Variants in GTF2A1L observed in about 807,000 individuals in gnomAD.
GTF2A1L encodes the protein TFIIA-alpha and beta-like factor.
A neutral mutation model predicts 49.7 loss-of-function variants in GTF2A1L; 48 were observed. That is an observed-to-expected ratio of 0.97 (90% CI 0.77 to 1.23). The LOEUF (loss-of-function observed/expected upper bound fraction) is 1.23, where lower values mean the gene tolerates loss of function less well. GTF2A1L is among the 50% of genes most tolerant of loss of function. GTF2A1L has a pLI of 0.00. For synonymous variants in GTF2A1L, 246 were observed against 193.5 expected (o/e 1.27, Z -2.25); for missense variants, 736 against 564.8 (o/e 1.30, Z -3.07).
At chr2:48,646,373 ATTTT>A (rs370649699) in intron 5 of GTF2A1L, 76 bp from the exon 6 acceptor site, 17 of 1,047,668 alleles carry the variant, frequency 1.6e-5, no homozygotes, top group South Asian at 5.3e-5. Context: ...TGTGGATGAG[ATTTT>A]TTTTTTTTTT....
chr2:48,662,309 A>T (rs1162107212), intron 6 of GTF2A1L, among the ~76,000 whole-genome samples: 1 of 152,204 alleles, frequency 6.6e-6, no homozygotes, highest in Non-Finnish European at 1.5e-5. Context: ...TTATGTTAAC[A>T]CTGATTTATG....
chr2:48,679,413 G>T lies in GTF2A1L; in HGVS notation c.1408G>T (p.Ala470Ser), dbSNP rs1241563053. The T allele has an allele frequency of 6.2e-7, 1 of 1,612,418 alleles. No homozygotes were observed. The highest frequency in any genetic ancestry group is 1.7e-5 in the Admixed American group (1 of 59,846). ...MCFGGRDYVF[A>S]KAIGDAEW ...TTTTGGAGGGAGAGACTATGTATTT[G>T]CAAAAGCCATTGGTGATGCAGAGTG... Residue 470 changes from alanine to serine, a missense_variant, in exon 9 of 9, where the codon GCA (alanine) becomes TCA (serine). Coordinates refer to ENST00000403751, the MANE Select transcript of GTF2A1L (RefSeq NM_006872.5).
At chr2:48,620,637 C>CA (rs1675932808) in intron 1 of GTF2A1L, among the ~76,000 whole-genome samples, 2 of 152,074 alleles carry the variant, frequency 1.3e-5, no homozygotes, top group African/African-American at 4.8e-5. Flanking sequence ...ATTAGCGGGG[C>CA]ATGGTGGCAT....
At chr2:48,637,266 G>A (rs537554021) in intron 3 of GTF2A1L, among the ~76,000 whole-genome samples, 13 of 152,024 alleles carry the variant, frequency 8.6e-5, no homozygotes, top group South Asian at 2.1e-4. Context: ...TATAACTGCC[G>A]CAATGTATCA....
chr2:48,621,482 C>A (rs1020236104), intron 3 of GTF2A1L, among the ~76,000 whole-genome samples, 192 bp downstream of exon 3: 2 of 152,112 alleles, frequency 1.3e-5, no homozygotes, highest in Non-Finnish European at 2.9e-5. Flanking sequence ...GTTATTCGAA[C>A]TAGTTTTTAT....
chr2:48,656,857 TG>T (rs1356101188), intron 6 of GTF2A1L, among the ~76,000 whole-genome samples: 5 of 152,210 alleles, frequency 3.3e-5, no homozygotes, highest in African/African-American at 1.2e-4. Flanking sequence ...TGATCCATTT[TG>T]AGTTAATTTT....
At chr2:48,662,861 C>T (rs1458089086) in intron 6 of GTF2A1L, among the ~76,000 whole-genome samples, 1 of 151,844 alleles carries the variant, frequency 6.6e-6, no homozygotes, top group African/African-American at 2.4e-5. Flanking sequence ...AGCTAAACAA[C>T]AAGAACACGT....
intron 3 of GTF2A1L, 138 bp downstream of exon 3, chr2:48,621,428 C>A: frequency 1.8e-6 from 2 of 1,140,722 alleles, no homozygotes; most frequent in Non-Finnish European, 2.4e-6. Flanking sequence ...TAAATGAACA[C>A]AGTATAAATC....
chr2:48,645,877 T>C (rs573737734), intron 5 of GTF2A1L, among the ~76,000 whole-genome samples: 1 of 151,936 alleles, frequency 6.6e-6, no homozygotes, highest in Non-Finnish European at 1.5e-5. Context: ...CTTGATCTCC[T>C]GACCTCGTGA....
chr2:48,642,646 G>A (rs1677263053), intron 4 of GTF2A1L, among the ~76,000 whole-genome samples, 189 bp downstream of exon 4: 1 of 152,166 alleles, frequency 6.6e-6, no homozygotes, highest in Non-Finnish European at 1.5e-5. Context: ...CCTGAGATCA[G>A]GAGTTTGAGA....
intron 6 of GTF2A1L, among the ~76,000 whole-genome samples, chr2:48,657,599 T>A (rs1678253947): frequency 6.6e-6 from 1 of 152,132 alleles, no homozygotes; most frequent in African/African-American, 2.4e-5. Context: ...AAATATTTCT[T>A]TTCCTTTGGG....
intron 5 of GTF2A1L, 69 bp downstream of exon 5, chr2:48,645,186 G>A: frequency 7.2e-7 from 1 of 1,388,462 alleles, no homozygotes; most frequent in South Asian, 1.3e-5. Context: ...TAAGCTTCAT[G>A]ATTTTTAAAT....
At position 48,679,600 on chromosome 2, in the gene GTF2A1L, A is replaced by G. The variant is rs1679660038; in HGVS notation, c.*158A>G. Reference sequence around the variant, plus strand: ...AAAATTATAATTCAGATGCAGATACAATTACACAATTTTATATGTATTTTG... The same window carrying G: ...AAAATTATAATTCAGATGCAGATACGATTACACAATTTTATATGTATTTTG... On this transcript the variant is annotated 3_prime_UTR_variant, in exon 9 of 9. Transcript: ENST00000403751. 3.6e-6 allele frequency: 5 copies of G among 1,385,502 alleles called. No individual in the cohort carries two copies. Among genetic ancestry groups the G allele is most frequent in the Non-Finnish European group, 4.7e-6 (5 of 1,072,578 alleles). 85.8% of individuals were successfully genotyped at this position (1,385,502 alleles called of 1,614,324 possible).
chr2:48,649,111 T>C (rs1409805421), intron 6 of GTF2A1L, among the ~76,000 whole-genome samples: 1 of 152,194 alleles, frequency 6.6e-6, no homozygotes. Flanking sequence ...ATTCTGCCCC[T>C]TGTAATTTCT....
intron 6 of GTF2A1L, among the ~76,000 whole-genome samples, chr2:48,651,199 G>C (rs924070653): frequency 6.6e-6 from 1 of 151,946 alleles, no homozygotes; most frequent in Non-Finnish European, 1.5e-5. Flanking sequence ...GAGCTGGTTT[G>C]TTTTAGTGCA....
rs745352636 is a variant in GTF2A1L, at chr2:48,646,701, G to C, written c.637G>C (p.Ala213Pro). ...GPVDRKHLEN[A>P]TSDILVSPGN... ...AGTAGATAGGAAACACTTAGAAAAT[G>C]CCACCAGTGATATACTTGTATCTCC... The change falls in exon 6 of 9, where the codon GCC becomes CCC. Residue 213 changes from alanine (A) to proline (P), a missense_variant. Ala to Pro is a conservative substitution (Grantham distance 27). Transcript: ENST00000403751. 5.6e-6 allele frequency: 9 copies of C among 1,614,154 alleles called. No homozygotes were observed. Among genetic ancestry groups the C allele is most frequent in the Non-Finnish European group, 5.9e-6 (7 of 1,180,022 alleles).
At chr2:48,649,365 T>C (rs1677718075) in intron 6 of GTF2A1L, among the ~76,000 whole-genome samples, 1 of 152,184 alleles carries the variant, frequency 6.6e-6, no homozygotes, top group Non-Finnish European at 1.5e-5. Flanking sequence ...GCCATTGCCC[T>C]AATTGTTTCT....
At chr2:48,647,633 CTT>C (rs1051262512) in intron 6 of GTF2A1L, among the ~76,000 whole-genome samples, 3 of 151,140 alleles carry the variant, frequency 2.0e-5, no homozygotes, top group Admixed American at 2.0e-4. Flanking sequence ...TATATGGAAA[CTT>C]TTCCCTACAT....
chr2:48,667,424 T>C (rs1325751672), intron 6 of GTF2A1L, among the ~76,000 whole-genome samples: 3 of 152,180 alleles, frequency 2.0e-5, no homozygotes, highest in Non-Finnish European at 4.4e-5. Flanking sequence ...TCAAGAAAAG[T>C]TGTGATTTTG....
Sources: allele counts gnomAD v4.1 joint callset (sites outside exome capture counted in the v4.1 genomes callset), GRCh38; gene constraint gnomAD v4.1.1; transcripts MANE v1.5; gene names NCBI Gene and HGNC (gene_info 2026-07-23, HGNC 2026-07-21).